HTR7: variants seen among roughly 807,000 people sequenced by gnomAD.
The protein encoded by HTR7 is 5-HT-7.
A neutral mutation model predicts 34.0 loss-of-function variants in HTR7; 16 were observed. That is an observed-to-expected ratio of 0.47 (90% CI 0.32 to 0.71). HTR7 has a LOEUF of 0.71. HTR7 is among the 30% of genes least tolerant of loss of function. HTR7 has a pLI of 0.04. For synonymous variants in HTR7, 265 were observed against 260.2 expected (o/e 1.02, Z -0.18); for missense variants, 504 against 625.5 (o/e 0.81, Z 2.07).
chr10:90,844,248 A>G (rs373422379), intron 1 of HTR7, among the ~76,000 whole-genome samples: 1 of 152,218 alleles, frequency 6.6e-6, no homozygotes, highest in African/African-American at 2.4e-5. Flanking sequence ...AGTAGTGCCC[A>G]AACCTATCTG....
At chr10:90,748,303 G>A (rs1271276099) in intron 2 of HTR7, among the ~76,000 whole-genome samples, 1 of 152,062 alleles carries the variant, frequency 6.6e-6, no homozygotes, top group Non-Finnish European at 1.5e-5. Context: ...TCCGGCTCTT[G>A]TAGCTTTTAA....
chr10:90,807,124 A>G (rs939157354), intron 1 of HTR7, among the ~76,000 whole-genome samples: 1 of 152,228 alleles, frequency 6.6e-6, no homozygotes, highest in Non-Finnish European at 1.5e-5. Context: ...TAAATACGAC[A>G]GAGTGGAAAA....
At chr10:90,852,297 C>T (rs577571247) in intron 1 of HTR7, among the ~76,000 whole-genome samples, 1 of 151,282 alleles carries the variant, frequency 6.6e-6, no homozygotes, top group Admixed American at 6.6e-5. Context: ...TGTAGTAATG[C>T]AGAACAAAAC....
At chr10:90,815,061 T>G (rs1244598764) in intron 1 of HTR7, among the ~76,000 whole-genome samples, 1 of 151,522 alleles carries the variant, frequency 6.6e-6, no homozygotes, top group African/African-American at 2.4e-5. Context: ...AATGCAGGAT[T>G]GCAAAAGTTG....
intron 1 of HTR7, among the ~76,000 whole-genome samples, chr10:90,820,357 G>C (rs1032656081): frequency 1.3e-5 from 2 of 152,184 alleles, no homozygotes; most frequent in Non-Finnish European, 2.9e-5. Context: ...TGAACACGGT[G>C]TTCAGAAGTT....
chr10:90,819,244 G>T (rs528689287), intron 1 of HTR7, among the ~76,000 whole-genome samples: 2 of 152,122 alleles, frequency 1.3e-5, no homozygotes, highest in Non-Finnish European at 2.9e-5. Flanking sequence ...CAAAATAAAT[G>T]ACCTATATAC....
At chr10:90,856,622 A>T (rs1333829179) in intron 1 of HTR7, among the ~76,000 whole-genome samples, 1 of 152,216 alleles carries the variant, frequency 6.6e-6, no homozygotes, top group Non-Finnish European at 1.5e-5. Flanking sequence ...GCGATTCCGA[A>T]CTGACCATCA....
At chr10:90,837,152 G>A (rs1016203884) in intron 1 of HTR7, among the ~76,000 whole-genome samples, 10 of 152,040 alleles carry the variant, frequency 6.6e-5, no homozygotes, top group Non-Finnish European at 1.5e-4. Context: ...TAGTTTGCAC[G>A]GCCTGTAGAA....
At chr10:90,806,009 A>C (rs982312274) in intron 1 of HTR7, among the ~76,000 whole-genome samples, 1 of 152,246 alleles carries the variant, frequency 6.6e-6, no homozygotes, top group Non-Finnish European at 1.5e-5. Context: ...TAGTTAGAAT[A>C]GTTGTTAATA....
chr10:90,746,994 T>C (rs1276651378), intron 2 of HTR7, among the ~76,000 whole-genome samples: 1 of 152,220 alleles, frequency 6.6e-6, no homozygotes, highest in Non-Finnish European at 1.5e-5. Flanking sequence ...CTGAGACTCT[T>C]CACTGCCTAT....
intron 1 of HTR7, among the ~76,000 whole-genome samples, chr10:90,765,218 G>A (rs1018616684): frequency 6.6e-6 from 1 of 152,056 alleles, no homozygotes; most frequent in Non-Finnish European, 1.5e-5. Context: ...CTAGTTATTG[G>A]TCTGTTCAGA....
intron 1 of HTR7, among the ~76,000 whole-genome samples, chr10:90,809,537 TA>T: frequency 6.6e-6 from 1 of 152,192 alleles, no homozygotes; most frequent in East Asian, 1.9e-4. Flanking sequence ...CGGGATTAAT[TA>T]ACCTCGCCTT....
chr10:90,809,219 C>T (rs1032966104), intron 1 of HTR7, among the ~76,000 whole-genome samples: 12 of 152,192 alleles, frequency 7.9e-5, no homozygotes, highest in East Asian at 1.9e-4. Context: ...AGTTTCATTC[C>T]GTAACTAGCC....
At chr10:90,831,010 A>G (rs533156405) in intron 1 of HTR7, among the ~76,000 whole-genome samples, 1 of 152,104 alleles carries the variant, frequency 6.6e-6, no homozygotes, top group African/African-American at 2.4e-5. Context: ...GCAGGCACTT[A>G]CTCTCTATAC....
At chr10:90,746,930 C>G (rs1343674099) in intron 2 of HTR7, among the ~76,000 whole-genome samples, 1 of 152,194 alleles carries the variant, frequency 6.6e-6, no homozygotes, top group Non-Finnish European at 1.5e-5. Flanking sequence ...AGTAACAATT[C>G]ATTCTCATTG....
intron 1 of HTR7, among the ~76,000 whole-genome samples, chr10:90,796,529 C>T (rs1283624918): frequency 6.6e-6 from 1 of 152,160 alleles, no homozygotes; most frequent in Non-Finnish European, 1.5e-5. Context: ...TTCCAGAACA[C>T]CCTGAGCAAT....
chr10:90,808,058 G>GAC (rs1319289491), intron 1 of HTR7, among the ~76,000 whole-genome samples: 1 of 152,186 alleles, frequency 6.6e-6, no homozygotes, highest in Non-Finnish European at 1.5e-5. Flanking sequence ...GCCGGTCACA[G>GAC]ACTGGGAAGG....
intron 1 of HTR7, among the ~76,000 whole-genome samples, chr10:90,777,480 C>CAAAAAA (rs1187256524): frequency 1.4e-3 from 69 of 50,624 alleles, no homozygotes; most frequent in African/African-American, 4.3e-3. Context: ...GACTCCGTCT[C>CAAAAAA]AAAAAAAAAA....
rs1280888138 is a variant in HTR7 at position 90,742,278 on chromosome 10, C to T, written c.*204G>A. Reference sequence around the variant, plus strand: ...GATCTGCTATCTTAAACTGAGAACACACAATAGCACTGATCCACAGAAAAA... The same window carrying T: ...GATCTGCTATCTTAAACTGAGAACATACAATAGCACTGATCCACAGAAAAA... On this transcript the variant is annotated 3_prime_UTR_variant, in exon 4 of 4. Transcript: ENST00000336152. The T allele has an allele frequency of 7.4e-6, 3 of 405,262 alleles. No individual in the cohort carries two copies. The highest frequency in any genetic ancestry group is 7.6e-5 in the East Asian group (2 of 26,152). 25.1% of individuals were successfully genotyped at this position (405,262 alleles called of 1,614,324 possible).
Sources: allele counts gnomAD v4.1 joint callset (sites outside exome capture counted in the v4.1 genomes callset), GRCh38; gene constraint gnomAD v4.1.1; transcripts MANE v1.5; gene names NCBI Gene and HGNC (gene_info 2026-07-23, HGNC 2026-07-21).